EPHB2: variants seen among roughly 807,000 people sequenced by gnomAD.
EPHB2 encodes EPH receptor B2.
Under a neutral mutation model 96.4 loss-of-function variants are expected in EPHB2, and 18 were observed. The observed-to-expected ratio is 0.19, with a 90% confidence interval of 0.13 to 0.28. EPHB2 has a LOEUF of 0.28. Ranked by LOEUF, EPHB2 falls within the 10% of genes least tolerant of loss-of-function variation. EPHB2 has a pLI of 1.00. For synonymous variants in EPHB2, 506 were observed against 534.1 expected, an observed-to-expected ratio of 0.95 and a Z score of 0.72; for missense variants, 989 against 1,355.4, an observed-to-expected ratio of 0.73 and a Z score of 4.25.
intron 3 of EPHB2, among the ~76,000 whole-genome samples, chr1:22,852,754 G>A (rs551802790): frequency 1.3e-4 from 20 of 152,336 alleles, no homozygotes; most frequent in Admixed American, 5.2e-4. Context: ...CGGTTGCTCC[G>A]GCCTTGGGGC....
At chr1:22,735,000 G>A (rs1643795569) in intron 1 of EPHB2, among the ~76,000 whole-genome samples, 1 of 152,186 alleles carries the variant, frequency 6.6e-6, no homozygotes, top group East Asian at 1.9e-4. Flanking sequence ...CCCCTGCAGG[G>A]TAGGAGACTG....
rs762875260 is a variant in EPHB2, at chr1:22,790,256, G to A, written c.811+5180G>A. On this transcript the variant is annotated intron_variant, in intron 3 of 15. Transcript: ENST00000374630. The surrounding 1 kb of genome is among the most constrained non-coding windows in gnomAD (Gnocchi z 4.0). ...GGTAGAAAGGGCTTTGCAGTGTATA[G>A]GGATTAGGACACAATTTTCCCCTAT... Among the ~76,000 whole-genome samples the A allele has an allele frequency of 1.3e-5, 2 of 152,114 alleles. No individual in the cohort carries two copies. Among genetic ancestry groups the A allele is most frequent in the African/African-American group, 2.4e-5 (1 of 41,402 alleles).
chr1:22,811,566 C>G (rs931446220), intron 3 of EPHB2, among the ~76,000 whole-genome samples: 1 of 152,244 alleles, frequency 6.6e-6, no homozygotes, highest in African/African-American at 2.4e-5. Flanking sequence ...TCCAGTCTCT[C>G]TGCCTTCCCA....
At chr1:22,761,971 G>C (rs1052575712) in intron 1 of EPHB2, among the ~76,000 whole-genome samples, 1 of 152,250 alleles carries the variant, frequency 6.6e-6, no homozygotes, top group Non-Finnish European at 1.5e-5. Flanking sequence ...GTGTGAGGGG[G>C]CAGCAAGTCA....
At chr1:22,824,138 A>G (rs893419425) in intron 3 of EPHB2, among the ~76,000 whole-genome samples, 1 of 152,192 alleles carries the variant, frequency 6.6e-6, no homozygotes, top group Non-Finnish European at 1.5e-5. Context: ...TAGGTTTTTT[A>G]TAAAATCATC....
At chr1:22,715,076 G>A (rs185299220) in intron 1 of EPHB2, among the ~76,000 whole-genome samples, 3 of 149,416 alleles carry the variant, frequency 2.0e-5, no homozygotes, top group Non-Finnish European at 4.4e-5. Flanking sequence ...CCAGCCATGC[G>A]GGTGCTCAGT....
At chr1:22,712,169 C>T (rs1382890404) in intron 1 of EPHB2, among the ~76,000 whole-genome samples, 1 of 152,224 alleles carries the variant, frequency 6.6e-6, no homozygotes, top group Admixed American at 6.5e-5. Flanking sequence ...CCTCAAAATA[C>T]ACCTTCCGGG....
rs1644573976 is a variant in EPHB2 at position 22,784,149 on chromosome 1, A to G, written c.127-243A>G. 1.3e-5 allele frequency among the ~76,000 whole-genome samples: 2 copies of G among 152,110 alleles called. No individual in the cohort carries two copies. Among genetic ancestry groups the G allele is most frequent in the Non-Finnish European group, 2.9e-5 (2 of 68,024 alleles). ...GGCCAGGGTCCCTGTCTCCTTTATC[A>G]GATTAGTGTACCCCTGACAGTAAGG... On this transcript the variant is annotated intron_variant, in intron 2 of 15. Coordinates refer to ENST00000374630, the MANE Select transcript of EPHB2 (RefSeq NM_017449.5). The surrounding 1 kb of genome is among the most constrained non-coding windows in gnomAD (Gnocchi z 5.1).
At chr1:22,739,216 G>GTTTTTT (rs1327114130) in intron 1 of EPHB2, among the ~76,000 whole-genome samples, 1 of 151,002 alleles carries the variant, frequency 6.6e-6, no homozygotes, top group African/African-American at 2.4e-5. Context: ...AATTCTTTTT[G>GTTTTTT]TTTTTTTTCT....
At chr1:22,803,918 GAAA>G (rs10711518) in intron 3 of EPHB2, among the ~76,000 whole-genome samples, 1 of 148,876 alleles carries the variant, frequency 6.7e-6, no homozygotes, top group African/African-American at 2.5e-5. Flanking sequence ...TGTCTCAAGA[GAAA>G]AAAAAAAAGT....
rs2148424158 is a variant in EPHB2 at position 22,784,604 on chromosome 1, C to G, written c.339C>G (p.Leu113=). 1 of 1,614,172 alleles carries G rather than the reference C, an allele frequency of 6.2e-7. No individual in the cohort carries two copies. The highest frequency in any genetic ancestry group is 2.2e-5 in the East Asian group (1 of 44,890). Residue 113 remains leucine, a synonymous_variant, in exon 3 of 16, where the codon CTC becomes CTG. Transcript: ENST00000374630. This position sits in a 1 kb window ranked among gnomAD's most constrained non-coding sequence, Gnocchi z 5.1. ...GCTCCTGCAAGGAGACCTTCAACCT[C>G]TATTACTATGAGGCTGACTTTGACT... ...VPGSCKETFN[L]YYYEADFDSA...
chr1:22,789,119 G>C (rs561153745), intron 3 of EPHB2, among the ~76,000 whole-genome samples: 2 of 152,256 alleles, frequency 1.3e-5, no homozygotes, highest in East Asian at 3.9e-4. Flanking sequence ...TCAGACGCAC[G>C]ATGTGATAAC....
chr1:22,800,351 C>G (rs1288178184), intron 3 of EPHB2: 1 of 152,268 alleles, frequency 6.6e-6, no homozygotes. Flanking sequence ...GACACTGGAG[C>G]CTGCTGGGAG....
chr1:22,742,285 TAGAG>T (rs1381802470), intron 1 of EPHB2, among the ~76,000 whole-genome samples: 7 of 152,162 alleles, frequency 4.6e-5, no homozygotes, highest in South Asian at 2.1e-4. Context: ...AGGTTGGAGA[TAGAG>T]AGCCCTGTCT....
At position 22,858,233 on chromosome 1, in the gene EPHB2, AG is replaced by A. The variant is rs146476292; in HGVS notation, c.812-4799del. ...CAGGAGCGCAGTGAGTGAGAGGAGGAGGGGGAAGCGTCCAGGAGACCATCAG... is the reference window on the plus strand; with the variant it reads ...CAGGAGCGCAGTGAGTGAGAGGAGGAGGGGAAGCGTCCAGGAGACCATCAG... On this transcript the variant is annotated intron_variant, in intron 3 of 15. Transcript: ENST00000374630. The surrounding 1 kb of genome is among the most constrained non-coding windows in gnomAD (Gnocchi z 7.7). Among the ~76,000 whole-genome samples the A allele has an allele frequency of 6.6e-5, 10 of 152,118 alleles. No homozygotes were observed. Among genetic ancestry groups the A allele is most frequent in the Non-Finnish European group, 7.4e-5 (5 of 67,954 alleles).
At chr1:22,904,955 G>A (rs309504) in intron 9 of EPHB2, among the ~76,000 whole-genome samples, 89,510 of 151,458 alleles carry the variant, frequency 0.59, 27,302 homozygotes, top group African/African-American at 0.74. Flanking sequence ...TAGAACTTCT[G>A]CCTCCAAATT....
chr1:22,890,683 C>T (rs1171612483), intron 6 of EPHB2, among the ~76,000 whole-genome samples: 1 of 152,140 alleles, frequency 6.6e-6, no homozygotes, highest in African/African-American at 2.4e-5. Flanking sequence ...ATAATCCCCA[C>T]CTGTTGTGAG....
intron 9 of EPHB2, 96 bp from the exon 10 acceptor site, chr1:22,905,891 A>G (rs1291569306): frequency 1.6e-5 from 26 of 1,592,808 alleles, no homozygotes; most frequent in Non-Finnish European, 2.1e-5. Context: ...GCCACATGGG[A>G]GTGGATTTCC....
chr1:22,892,489 A>G (rs1451989479), intron 6 of EPHB2, among the ~76,000 whole-genome samples: 1 of 152,138 alleles, frequency 6.6e-6, no homozygotes, highest in Non-Finnish European at 1.5e-5. Context: ...GAGTTGGGTC[A>G]TGGTCTCCTC....
Sources: gnomAD v4.1 joint callset for allele counts (sites outside exome capture counted in the v4.1 genomes callset) on GRCh38, gnomAD v4.1.1 for gene constraint, Gnocchi (gnomAD v3.1) non-coding constraint, MANE v1.5 for transcripts, NCBI Gene and HGNC (gene_info 2026-07-23, HGNC 2026-07-21) for gene names.